TUSC3: variants seen among roughly 807,000 people sequenced by gnomAD.
TUSC3 encodes tumor suppressor candidate 3, also known as dolichyl-diphosphooligosaccharide--protein glycosyltransferase subunit TUSC3.
Under a neutral mutation model 44.8 loss-of-function variants are expected in TUSC3, and 45 were observed. That is an observed-to-expected ratio of 1.00 (90% CI 0.79 to 1.29). The LOEUF (loss-of-function observed/expected upper bound fraction) is 1.29, where lower values mean the gene tolerates loss of function less well. TUSC3 is among the 50% of genes most tolerant of loss of function. TUSC3 has a pLI of 0.00. For missense variants in TUSC3, 519 were observed against 437.9 expected (o/e 1.19, Z -1.65); for synonymous variants, 212 against 152.9 (o/e 1.39, Z -2.85).
the TUSC3 span, among the ~76,000 whole-genome samples, chr8:15,840,463 G>C: frequency 6.6e-6 from 1 of 152,068 alleles, no homozygotes; most frequent in African/African-American, 2.4e-5. Flanking sequence ...GAGATATGTA[G>C]CAAGAAACTA....
chr8:15,523,367 C>T (rs1484625975), intron 2 of TUSC3, among the ~76,000 whole-genome samples: 2 of 151,968 alleles, frequency 1.3e-5, no homozygotes, highest in Admixed American at 6.6e-5. Context: ...TACCATTTCC[C>T]ACTATGTGAT....
At chr8:15,466,732 T>C (rs1389529825) in intron 1 of TUSC3, among the ~76,000 whole-genome samples, 3 of 152,152 alleles carry the variant, frequency 2.0e-5, no homozygotes, top group African/African-American at 7.2e-5. Flanking sequence ...GTTGTTGCTA[T>C]TGTTTTGCTT....
At chr8:15,518,071 C>T (rs1801246480) in intron 2 of TUSC3, among the ~76,000 whole-genome samples, 1 of 152,038 alleles carries the variant, frequency 6.6e-6, no homozygotes, top group African/African-American at 2.4e-5. Context: ...ATTCCACTTT[C>T]AGTCTCTGTA....
At chr8:15,846,727 A>T in the TUSC3 span, among the ~76,000 whole-genome samples, 1 of 152,072 alleles carries the variant, frequency 6.6e-6, no homozygotes, top group Non-Finnish European at 1.5e-5. Flanking sequence ...GGTGGGGTGA[A>T]GGGCTAGGGG....
At chr8:15,820,309 T>G in the TUSC3 span, among the ~76,000 whole-genome samples, 1 of 123,372 alleles carries the variant, frequency 8.1e-6, no homozygotes, top group African/African-American at 3.2e-5. Context: ...GATCTGTAAT[T>G]CTTTTTTTTT....
chr8:15,729,692 A>G (rs1377126443), intron 6 of TUSC3, among the ~76,000 whole-genome samples: 1 of 152,042 alleles, frequency 6.6e-6, no homozygotes, highest in Non-Finnish European at 1.5e-5. Context: ...GGAACAGTAG[A>G]CCCTGGGGCT....
chr8:15,554,642 G>A (rs141393459), intron 1 of TUSC3, among the ~76,000 whole-genome samples: 26,073 of 129,766 alleles, frequency 0.2, 2,715 homozygotes, highest in Middle Eastern at 0.26. Context: ...TCACTCTGTC[G>A]CCCAGGCTGG....
intron 1 of TUSC3, among the ~76,000 whole-genome samples, chr8:15,608,334 G>A (rs1447584987): frequency 6.6e-6 from 1 of 151,666 alleles, no homozygotes; most frequent in East Asian, 1.9e-4. Context: ...TTATATTGGT[G>A]CTTTTTGTAA....
At chr8:15,647,678 A>G (rs958551444) in intron 2 of TUSC3, among the ~76,000 whole-genome samples, 1 of 152,050 alleles carries the variant, frequency 6.6e-6, no homozygotes, top group Non-Finnish European at 1.5e-5. Context: ...CATTCACACT[A>G]CCTTTTCTAT....
the TUSC3 span, among the ~76,000 whole-genome samples, chr8:15,817,978 A>G: frequency 1.3e-5 from 2 of 152,132 alleles, no homozygotes; most frequent in African/African-American, 4.8e-5. Flanking sequence ...CTAGGAATGG[A>G]AAAAAGGAGG....
chr8:15,755,594 C>T (rs1460815974), intron 9 of TUSC3, among the ~76,000 whole-genome samples: 2 of 151,592 alleles, frequency 1.3e-5, no homozygotes, highest in East Asian at 3.9e-4. Context: ...CCATCTGAGC[C>T]AGCAATTATA....
At chr8:15,711,806 T>A (rs1809863576) in intron 6 of TUSC3, among the ~76,000 whole-genome samples, 1 of 151,930 alleles carries the variant, frequency 6.6e-6, no homozygotes, top group Admixed American at 6.6e-5. Context: ...ACTTGAGAAT[T>A]TTAATTGACA....
At chr8:15,516,099 A>G (rs2129128732) in intron 2 of TUSC3, among the ~76,000 whole-genome samples, 1 of 152,334 alleles carries the variant, frequency 6.6e-6, no homozygotes, top group East Asian at 1.9e-4. Context: ...AGATTAGTCT[A>G]GATTTTTATA....
At chr8:15,754,926 C>G (rs1296287795) in intron 9 of TUSC3, among the ~76,000 whole-genome samples, 2 of 152,040 alleles carry the variant, frequency 1.3e-5, no homozygotes, top group African/African-American at 4.8e-5. Context: ...CCTTAAACAT[C>G]TATGCCCTTC....
chr8:15,687,853 A>T (rs1447248285), intron 6 of TUSC3, among the ~76,000 whole-genome samples: 1 of 152,246 alleles, frequency 6.6e-6, no homozygotes, highest in Admixed American at 6.5e-5. Context: ...TATCAGAAAA[A>T]AATTGTTTTC....
intron 1 of TUSC3, among the ~76,000 whole-genome samples, chr8:15,454,680 C>G (rs1387853127): frequency 6.6e-6 from 1 of 152,098 alleles, no homozygotes; most frequent in Non-Finnish European, 1.5e-5. Context: ...GGAGCCCTTA[C>G]TATGTAGGTA....
upstream of TUSC3, chr8:15,540,223 G>C (rs1278326937): frequency 4.5e-6 from 3 of 662,462 alleles, no homozygotes; most frequent in African/African-American, 5.7e-5. Flanking sequence ...CCCATCCCGC[G>C]CCTTTCCAGG....
the TUSC3 span, among the ~76,000 whole-genome samples, chr8:15,826,593 AG>A: frequency 2.0e-5 from 3 of 152,130 alleles, no homozygotes; most frequent in African/African-American, 7.2e-5. Context: ...CCTGCTTTTA[AG>A]GTAAAGTGCT....
chr8:15,599,305 G>T (rs539948667), intron 1 of TUSC3, among the ~76,000 whole-genome samples: 3 of 151,792 alleles, frequency 2.0e-5, no homozygotes, highest in East Asian at 3.9e-4. Flanking sequence ...AGTTTTAAGA[G>T]GTCTTTGTAT....
Sources: gnomAD v4.1 joint callset for allele counts (sites outside exome capture counted in the v4.1 genomes callset) on GRCh38, gnomAD v4.1.1 for gene constraint, MANE v1.5 for transcripts, NCBI Gene and HGNC (gene_info 2026-07-23, HGNC 2026-07-21) for gene names.